The following SNX24 variants were observed in gnomAD, a reference collection of about 807,000 sequenced individuals.
The protein encoded by SNX24 is sorting nexin 24.
In SNX24, 22 loss-of-function variants were observed where a neutral mutation model predicts 28.7. That is an observed-to-expected ratio of 0.77 (90% confidence interval 0.55 to 1.10). The LOEUF (loss-of-function observed/expected upper bound fraction) is 1.10, where lower values mean the gene tolerates loss of function less well. SNX24 is among the 50% of genes least tolerant of loss of function. The pLI, the probability that SNX24 is intolerant of heterozygous loss-of-function variation, is 0.00. For synonymous variants in SNX24, 69 were observed against 71.5 expected (o/e 0.96, Z 0.18); for missense variants, 221 against 201.1 (o/e 1.10, Z -0.60).
chr5:122,873,986 T>A (rs1756109516), intron 1 of SNX24, among the ~76,000 whole-genome samples: 1 of 152,182 alleles, frequency 6.6e-6, no homozygotes, highest in Non-Finnish European at 1.5e-5. Context: ...TCCAGCCTGG[T>A]CTTGAACTCC....
intron 1 of SNX24, among the ~76,000 whole-genome samples, chr5:122,873,705 C>G (rs537186716): frequency 6.7e-6 from 1 of 150,198 alleles, no homozygotes; most frequent in Non-Finnish European, 1.5e-5. Context: ...CCATCACTTT[C>G]GGTAGTTTTC....
intron 1 of SNX24, among the ~76,000 whole-genome samples, chr5:122,916,910 T>C (rs181640801): frequency 1.4e-4 from 21 of 152,282 alleles, no homozygotes; most frequent in Admixed American, 1.2e-3. Flanking sequence ...CCTAGCTGGC[T>C]TTAATTCTGT....
At chr5:122,990,445 A>G (rs1222887841) in intron 3 of SNX24, among the ~76,000 whole-genome samples, 9 of 152,346 alleles carry the variant, frequency 5.9e-5, no homozygotes, top group Admixed American at 4.6e-4. Context: ...TATCTAGACT[A>G]TACCACTTGA....
intron 3 of SNX24, among the ~76,000 whole-genome samples, chr5:122,971,959 T>C (rs984312625): frequency 9.2e-5 from 14 of 152,222 alleles, no homozygotes; most frequent in Admixed American, 2.6e-4. Flanking sequence ...ATTGGGCTGT[T>C]GTAGTTTCCC....
chr5:122,957,926 A>T (rs1760284046), intron 3 of SNX24, among the ~76,000 whole-genome samples: 1 of 152,212 alleles, frequency 6.6e-6, no homozygotes, highest in African/African-American at 2.4e-5. Context: ...GTTTTTTTGT[A>T]GAGTCTTAAG....
At chr5:122,871,360 A>G (rs957350010) in intron 1 of SNX24, among the ~76,000 whole-genome samples, 2 of 152,204 alleles carry the variant, frequency 1.3e-5, no homozygotes, top group African/African-American at 4.8e-5. Flanking sequence ...TGTAGAGTGT[A>G]TATTTAGCAT....
At chr5:122,938,292 G>T (rs925695633) in intron 2 of SNX24, among the ~76,000 whole-genome samples, 1 of 152,140 alleles carries the variant, frequency 6.6e-6, no homozygotes, top group African/African-American at 2.4e-5. Flanking sequence ...AGTTTGGACA[G>T]TTCTTAGCTA....
intron 3 of SNX24, among the ~76,000 whole-genome samples, chr5:122,963,768 T>C (rs1194852647): frequency 2.0e-5 from 3 of 152,380 alleles, no homozygotes; most frequent in South Asian, 2.1e-4. Flanking sequence ...TTCATAGTCA[T>C]GTACTTTCTA....
chr5:122,939,851 C>T (rs1474666373), intron 2 of SNX24, among the ~76,000 whole-genome samples: 1 of 152,146 alleles, frequency 6.6e-6, no homozygotes, highest in African/African-American at 2.4e-5. Context: ...CCTAACCTAC[C>T]TCCATCACAC....
At chr5:123,018,616 GT>G (rs919094844) in intron 5 of SNX24, among the ~76,000 whole-genome samples, 1 of 152,146 alleles carries the variant, frequency 6.6e-6, no homozygotes, top group African/African-American at 2.4e-5. Flanking sequence ...AATAGAAGGG[GT>G]TTTGGTAATT....
At chr5:122,998,872 C>A (rs748255248) in intron 3 of SNX24, among the ~76,000 whole-genome samples, 40 of 152,152 alleles carry the variant, frequency 2.6e-4, no homozygotes, top group Non-Finnish European at 4.9e-4. Flanking sequence ...ACACAGTATT[C>A]CTGATCAGTT....
chr5:122,869,063 G>A (rs1180122650), intron 1 of SNX24, among the ~76,000 whole-genome samples: 1 of 152,192 alleles, frequency 6.6e-6, no homozygotes, highest in Non-Finnish European at 1.5e-5. Flanking sequence ...TGGAAAGTGT[G>A]CAACCAAATT....
intron 1 of SNX24, among the ~76,000 whole-genome samples, chr5:122,858,842 T>C (rs1290740236): frequency 6.6e-6 from 1 of 152,208 alleles, no homozygotes; most frequent in Non-Finnish European, 1.5e-5. Context: ...TTTATAAAAC[T>C]GTATTTATTA....
intron 1 of SNX24, chr5:122,891,058 CA>C: frequency 1.3e-6 from 2 of 1,527,456 alleles, no homozygotes; most frequent in South Asian, 1.3e-5. Flanking sequence ...GCCTTCCAGA[CA>C]AAAATGGAAT....
Position 122,946,102 on chromosome 5 carries a change from G to C in SNX24, c.192G>C (p.Arg64Ser). ...CAGAAATCCCTTCTAAACATGTTAG[G>C]AACTGGGTCCCCAAAGTCTTGGAAC... ...KTPEIPSKHV[R>S]NWVPKVLEQR... The change falls in exon 3 of 7, where the codon AGG becomes AGC. Residue 64 changes from arginine (R) to serine (S), a missense_variant. Coordinates refer to ENST00000261369, the MANE Select transcript of SNX24 (RefSeq NM_014035.4). 1 of 1,611,504 alleles carries C rather than the reference G, an allele frequency of 6.2e-7. No homozygotes were observed.
In SNX24 at chr5:123,007,752, A is replaced by G. The variant is rs754943456; in HGVS notation, c.*3A>G. 2 of 1,598,222 alleles carry G rather than the reference A, an allele frequency of 1.3e-6. No homozygotes were observed. Among genetic ancestry groups the G allele is most frequent in the South Asian group, 1.2e-5 (1 of 86,370 alleles). On this transcript the variant is annotated 3_prime_UTR_variant, in exon 7 of 7. Transcript: ENST00000261369. ...ACCCTCATCTACAGCCCAGGTAGAA[A>G]TCCTACATGGCTAAAAGAAGCAGAA...
intron 1 of SNX24, among the ~76,000 whole-genome samples, chr5:122,853,045 C>T (rs1754994201): frequency 6.7e-6 from 1 of 149,206 alleles, no homozygotes. Context: ...ATGGTAGGCT[C>T]ATAGCAGAAG....
At chr5:122,865,411 A>G (rs1261653939) in intron 1 of SNX24, among the ~76,000 whole-genome samples, 1 of 152,176 alleles carries the variant, frequency 6.6e-6, no homozygotes. Flanking sequence ...GCTCACTGCA[A>G]TCTCTGCCTC....
intron 3 of SNX24, among the ~76,000 whole-genome samples, chr5:122,966,439 T>A (rs1022264958): frequency 1.3e-5 from 2 of 152,242 alleles, no homozygotes; most frequent in Non-Finnish European, 2.9e-5. Context: ...TTGCAATTAC[T>A]CCACTCTGCC....
Sources: allele counts gnomAD v4.1 joint callset (sites outside exome capture counted in the v4.1 genomes callset), GRCh38; gene constraint gnomAD v4.1.1; transcripts MANE v1.5; gene names NCBI Gene and HGNC (gene_info 2026-07-23, HGNC 2026-07-21).